Variants in PPM1H observed in about 807,000 individuals in gnomAD.
PPM1H encodes protein phosphatase 1H.
In PPM1H, 27 loss-of-function variants were observed where a neutral mutation model predicts 54.9. That is an observed-to-expected ratio of 0.49 (90% CI 0.36 to 0.68). PPM1H has a LOEUF of 0.68. Among genes scored for constraint, PPM1H ranks in the 30% least tolerant of loss-of-function variants. PPM1H has a pLI of 0.00. For synonymous variants in PPM1H, 305 were observed against 270.8 expected (o/e 1.13, Z -1.24); for missense variants, 596 against 667.8 (o/e 0.89, Z 1.19).
In PPM1H at chr12:62,646,763, G is replaced by C. The variant is rs984828172; in HGVS notation, c.*1726C>G. ...AGTATTTCACCTGCCAGACGGCACT[G>C]TCTCCACACCCTGGAATGAGTTCTT... On this transcript the variant is annotated 3_prime_UTR_variant, in exon 10 of 10. Transcript: ENST00000228705. 2 of 152,226 alleles carry C rather than the reference G, an allele frequency of 1.3e-5. No homozygotes were observed. Among genetic ancestry groups the C allele is most frequent in the African/African-American group, 4.8e-5 (2 of 41,454 alleles). The allele number at this position is 152,226 out of a possible 1,614,324, so 9.4% of individuals were successfully genotyped here.
At chr12:62,669,969 C>CTTTTTTTTTTTTTTTTTTTTTTT (rs1161094944) in intron 8 of PPM1H, among the ~76,000 whole-genome samples, 2 of 46,424 alleles carry the variant, frequency 4.3e-5, no homozygotes, top group Admixed American at 3.9e-4. Context: ...GGATTGATTC[C>CTTTTTTTTTTTTTTTTTTTTTTT]TTTTTTTTTT....
chr12:62,817,120 A>T (rs1357183800), intron 2 of PPM1H, among the ~76,000 whole-genome samples: 1 of 103,406 alleles, frequency 9.7e-6, no homozygotes, highest in African/African-American at 4.2e-5. Context: ...CATTACTAAA[A>T]AAAAAAAAAA....
intron 1 of PPM1H, among the ~76,000 whole-genome samples, chr12:62,845,673 G>A (rs1868939388): frequency 6.6e-6 from 1 of 152,136 alleles, no homozygotes; most frequent in Non-Finnish European, 1.5e-5. Flanking sequence ...CTTTCCCTGG[G>A]AGATCGTCTC....
chr12:62,922,710 G>C (rs1161605474), intron 1 of PPM1H, among the ~76,000 whole-genome samples: 3 of 152,166 alleles, frequency 2.0e-5, no homozygotes, highest in Admixed American at 2.0e-4. Flanking sequence ...CAGCTGGTCT[G>C]ACCACACCAG....
chr12:62,715,853 G>A (rs2076231887), intron 6 of PPM1H, among the ~76,000 whole-genome samples: 1 of 152,128 alleles, frequency 6.6e-6, no homozygotes, highest in Non-Finnish European at 1.5e-5. Flanking sequence ...GTCAGACTGG[G>A]GACTAGAAAA....
At chr12:62,716,676 G>A (rs2076236252) in intron 6 of PPM1H, among the ~76,000 whole-genome samples, 1 of 152,148 alleles carries the variant, frequency 6.6e-6, no homozygotes, top group South Asian at 2.1e-4. Context: ...ATAGGCATAT[G>A]CCACCATGCC....
At chr12:62,668,104 C>A (rs1224495296) in intron 8 of PPM1H, among the ~76,000 whole-genome samples, 2 of 152,088 alleles carry the variant, frequency 1.3e-5, no homozygotes, top group Non-Finnish European at 2.9e-5. Flanking sequence ...ATTTCAACAC[C>A]CACCTAAGCT....
intron 1 of PPM1H, among the ~76,000 whole-genome samples, chr12:62,871,285 C>CA (rs11415088): frequency 0.36 from 55,094 of 151,298 alleles, 10,846 homozygotes; most frequent in East Asian, 0.54. Context: ...AGAAGCTAGA[C>CA]AAAAAAAACG....
intron 2 of PPM1H, among the ~76,000 whole-genome samples, chr12:62,803,577 G>A (rs975149588): frequency 1.3e-5 from 2 of 152,022 alleles, no homozygotes; most frequent in African/African-American, 4.8e-5. Flanking sequence ...GATGTAAGAC[G>A]TGAAATCATA....
intron 1 of PPM1H, among the ~76,000 whole-genome samples, chr12:62,862,914 T>G (rs1176686737): frequency 6.6e-6 from 1 of 152,232 alleles, no homozygotes; most frequent in Non-Finnish European, 1.5e-5. Context: ...AAATGGAGAT[T>G]TTTGCTCTCC....
intron 1 of PPM1H, among the ~76,000 whole-genome samples, chr12:62,893,392 T>C (rs1870868935): frequency 6.6e-6 from 1 of 152,170 alleles, no homozygotes. Context: ...TGTGTACTAA[T>C]CTCCTTTTCT....
At chr12:62,683,851 G>C (rs1442424226) in intron 8 of PPM1H, among the ~76,000 whole-genome samples, 10 of 152,188 alleles carry the variant, frequency 6.6e-5, no homozygotes, top group Admixed American at 6.5e-4. Context: ...GCTCTACGGA[G>C]GGCCTGTCAC....
At position 62,801,968 on chromosome 12, in the gene PPM1H, T is replaced by C. The variant is rs745728763; in HGVS notation, c.604A>G (p.Asn202Asp). 6 of 1,612,858 alleles carry C rather than the reference T, an allele frequency of 3.7e-6. No individual in the cohort carries two copies. The highest frequency in any genetic ancestry group is 5.1e-6 in the Non-Finnish European group (6 of 1,179,278). The change falls in exon 3 of 10, where the codon AAC becomes GAC. Residue 202 changes from asparagine to aspartate, a missense_variant. By Grantham distance (23) the Asn-to-Asp change is conservative. Transcript: ENST00000228705. The part of the protein sequence containing the change: ...LGEEPENTPA[N>D]SRTLTRAASL... ...GCTGCCCGGGTCAGAGTCCGGCTGT[T>C]GGCGGGCGTGTTCTCAGGCTCCTCC...
At chr12:62,873,921 T>G (rs1870074925) in intron 1 of PPM1H, among the ~76,000 whole-genome samples, 1 of 152,140 alleles carries the variant, frequency 6.6e-6, no homozygotes, top group Non-Finnish European at 1.5e-5. Flanking sequence ...CTGAGGAGGT[T>G]ACATTTAAGC....
intron 1 of PPM1H, among the ~76,000 whole-genome samples, chr12:62,839,960 C>G (rs977882975): frequency 6.6e-6 from 1 of 150,770 alleles, no homozygotes; most frequent in African/African-American, 2.5e-5. Flanking sequence ...ACTGCTTGAG[C>G]CTAGGAGAAG....
chr12:62,702,534 C>A (rs1399833081), intron 6 of PPM1H, among the ~76,000 whole-genome samples: 6 of 120,232 alleles, frequency 5.0e-5, no homozygotes, highest in Non-Finnish European at 9.7e-5. Flanking sequence ...TAAGTCATGA[C>A]CTTGAGCTAC....
At chr12:62,851,318 T>G (rs1486143626) in intron 1 of PPM1H, among the ~76,000 whole-genome samples, 1 of 152,230 alleles carries the variant, frequency 6.6e-6, no homozygotes, top group Non-Finnish European at 1.5e-5. Context: ...TGGTTAATTC[T>G]GAGTCAATTA....
intron 2 of PPM1H, among the ~76,000 whole-genome samples, chr12:62,822,552 C>A (rs2076910758): frequency 6.6e-6 from 1 of 152,104 alleles, no homozygotes; most frequent in Non-Finnish European, 1.5e-5. Context: ...TCTCTCAGAC[C>A]ACAATGCAAT....
chr12:62,837,778 G>A (rs1592626734), intron 1 of PPM1H, among the ~76,000 whole-genome samples: 1 of 152,230 alleles, frequency 6.6e-6, no homozygotes, highest in Admixed American at 6.5e-5. Flanking sequence ...TGCAAAGCTA[G>A]CTGCCTCTTC....
Sources: gnomAD v4.1 joint callset for allele counts (sites outside exome capture counted in the v4.1 genomes callset) on GRCh38, gnomAD v4.1.1 for gene constraint, MANE v1.5 for transcripts, NCBI Gene and HGNC (gene_info 2026-07-23, HGNC 2026-07-21) for gene names.